Variants in KANK1 observed in about 807,000 individuals in gnomAD.
The protein encoded by KANK1 is KN motif and ankyrin repeat domains 1, also known as KN motif and ankyrin repeat domain-containing protein 1.
In KANK1, 109 loss-of-function variants were observed where a neutral mutation model predicts 106.2. The ratio of observed to expected loss-of-function variants is 1.03; its 90% CI spans 0.88 to 1.20. KANK1 has a LOEUF of 1.20. Among genes scored for constraint, KANK1 ranks in the 50% most tolerant of loss-of-function variants. KANK1 has a pLI of 0.00. For missense variants in KANK1, 2,399 were observed against 1,710.7 expected (o/e 1.40, Z -7.10); for synonymous variants, 873 against 652.2 (o/e 1.34, Z -5.16).
At chr9:667,229 A>C (rs374103028) in intron 1 of KANK1, among the ~76,000 whole-genome samples, 2 of 151,374 alleles carry the variant, frequency 1.3e-5, no homozygotes, top group African/African-American at 4.9e-5. Flanking sequence ...TTTGTTGGCA[A>C]TTGTCTCTAA....
intron 2 of KANK1, among the ~76,000 whole-genome samples, chr9:682,492 G>A (rs1817767888): frequency 2.0e-5 from 3 of 152,058 alleles, no homozygotes; most frequent in Non-Finnish European, 4.4e-5. Context: ...ATTTTTCCAA[G>A]TCTTCATGGA....
chr9:638,171 G>C (rs149246889), intron 1 of KANK1, among the ~76,000 whole-genome samples: 1 of 152,298 alleles, frequency 6.6e-6, no homozygotes, highest in East Asian at 1.9e-4. Flanking sequence ...AGCAGTCATT[G>C]AATAGTTTCT....
At chr9:669,401 T>G (rs966902397) in intron 1 of KANK1, among the ~76,000 whole-genome samples, 1 of 152,192 alleles carries the variant, frequency 6.6e-6, no homozygotes, top group African/African-American at 2.4e-5. Flanking sequence ...ACAGATCTAG[T>G]AGTGGTAAAT....
chr9:522,000 T>A (rs1382897340), intron 1 of KANK1, among the ~76,000 whole-genome samples: 2 of 151,778 alleles, frequency 1.3e-5, no homozygotes, highest in Non-Finnish European at 2.9e-5. Context: ...GGCCCTTTTT[T>A]GGAGAACTGT....
intron 3 of KANK1, among the ~76,000 whole-genome samples, chr9:714,446 G>C (rs2131030090): frequency 6.8e-6 from 1 of 146,182 alleles, no homozygotes; most frequent in Non-Finnish European, 1.5e-5. Context: ...TGCAACCTCT[G>C]CCTCTCAGGT....
intron 3 of KANK1, among the ~76,000 whole-genome samples, chr9:497,462 T>A (rs10120651): frequency 0.039 from 5,892 of 150,780 alleles, 368 homozygotes; most frequent in African/African-American, 0.14. Context: ...ACTCACACTC[T>A]TGCCACCATG....
At chr9:691,432 A>AT (rs973932417) in intron 2 of KANK1, among the ~76,000 whole-genome samples, 34 of 149,022 alleles carry the variant, frequency 2.3e-4, no homozygotes, top group African/African-American at 7.4e-4. Flanking sequence ...ATTTATTATT[A>AT]TTTTTTTTAA....
intron 1 of KANK1, among the ~76,000 whole-genome samples, chr9:646,566 A>G (rs937533906): frequency 2.0e-5 from 3 of 150,758 alleles, no homozygotes; most frequent in Non-Finnish European, 4.4e-5. Flanking sequence ...GTTGAACATG[A>G]TTAATCATCT....
Position 521,824 on chromosome 9 carries a change from T to A in KANK1, c.-84+17070T>A, listed in dbSNP as rs751194517. On this transcript the variant is annotated intron_variant, in intron 1 of 11. Coordinates refer to ENST00000382297, the MANE Select transcript of KANK1 (RefSeq NM_015158.5). ...CTCAGGAGATCCACCCACCTCAGCC[T>A]GCCAAAGTGCTGGGATTACAGGCAT... Among the ~76,000 whole-genome samples the A allele has an allele frequency of 1.3e-5, 2 of 151,680 alleles. 1 individual carries two copies. Among genetic ancestry groups the A allele is most frequent in the Non-Finnish European group, 2.9e-5 (2 of 68,018 alleles).
At chr9:527,220 C>G (rs12682818) in intron 1 of KANK1, among the ~76,000 whole-genome samples, 3,719 of 151,920 alleles carry the variant, frequency 0.024, 142 homozygotes, top group East Asian at 0.16. Context: ...TACCTTCTCT[C>G]TGTTTCTCTT....
chr9:599,325 T>A (rs964854788), intron 1 of KANK1, among the ~76,000 whole-genome samples: 1 of 151,704 alleles, frequency 6.6e-6, no homozygotes, highest in Admixed American at 6.6e-5. Flanking sequence ...GCAAGAAATA[T>A]TATTTTTATT....
intron 7 of KANK1, among the ~76,000 whole-genome samples, chr9:736,072 C>G (rs907385123): frequency 1.3e-5 from 2 of 152,124 alleles, no homozygotes; most frequent in South Asian, 2.1e-4. Context: ...ATTCTCCTGC[C>G]TCACCCTCCC....
At chr9:564,635 C>T (rs563386567) in intron 1 of KANK1, among the ~76,000 whole-genome samples, 2 of 152,204 alleles carry the variant, frequency 1.3e-5, no homozygotes, top group African/African-American at 2.4e-5. Context: ...ATACCTATTT[C>T]TGCCCATGCC....
chr9:543,331 G>A lies in KANK1; in HGVS notation c.-84+38577G>A, dbSNP rs149412411. 7.3e-4 allele frequency among the ~76,000 whole-genome samples: 111 copies of A among 151,998 alleles called. 1 individual carries two copies. The East Asian group carries it at 0.019, about 26-fold the overall frequency. ...AGCACTTTGGGAGGCCAAGGTGGGC[G>A]GATCACTTGAGGACAGGAGTTTGAG... On this transcript the variant is annotated intron_variant, in intron 1 of 11. Coordinates refer to ENST00000382297, the MANE Select transcript of KANK1 (RefSeq NM_015158.5).
Position 514,973 on chromosome 9 carries a change from C to A in KANK1, c.-84+10219C>A, listed in dbSNP as rs181085643. ...ATCTGGTAAACGTGTGTTATTGATTCCCTAGATGACTAATGAAGATGAACA... is the reference window on the plus strand; with the variant it reads ...ATCTGGTAAACGTGTGTTATTGATTACCTAGATGACTAATGAAGATGAACA... On this transcript the variant is annotated intron_variant, in intron 1 of 11. Transcript: ENST00000382297. Among the ~76,000 whole-genome samples the A allele has an allele frequency of 1.6e-3, 243 of 151,694 alleles. 2 individuals carry two copies. Among genetic ancestry groups the A allele is most frequent in the Non-Finnish European group, 2.2e-3 (151 of 68,010 alleles).
At chr9:629,121 C>G (rs2136684197) in intron 1 of KANK1, among the ~76,000 whole-genome samples, 1 of 150,902 alleles carries the variant, frequency 6.6e-6, no homozygotes, top group African/African-American at 2.4e-5. Flanking sequence ...TTTCCTTTCT[C>G]TGTAGTATGT....
chr9:589,950 G>T (rs1246555130), intron 1 of KANK1, among the ~76,000 whole-genome samples: 3 of 152,160 alleles, frequency 2.0e-5, no homozygotes, highest in African/African-American at 7.2e-5. Flanking sequence ...GCATGCTGAG[G>T]ATTTCCTTGC....
rs550715488 is a variant in KANK1, at chr9:702,674, C to T, written c.38-8130C>T. On this transcript the variant is annotated intron_variant, in intron 2 of 11. Coordinates refer to ENST00000382297, the MANE Select transcript of KANK1 (RefSeq NM_015158.5). Reference sequence around the variant, plus strand: ...CTATTGAATGTAGCCTCTTTCCCTACGTCAGTCTCACGCACGCACAATTGT... The same window carrying T: ...CTATTGAATGTAGCCTCTTTCCCTATGTCAGTCTCACGCACGCACAATTGT... Among the ~76,000 whole-genome samples the T allele has an allele frequency of 3.9e-5, 6 of 152,276 alleles. No individual in the cohort carries two copies. In the East Asian group the frequency reaches 7.7e-4, roughly 20 times the overall value.
chr9:674,545 T>C (rs1197852811), intron 1 of KANK1, among the ~76,000 whole-genome samples: 2 of 152,156 alleles, frequency 1.3e-5, no homozygotes, highest in African/African-American at 4.8e-5. Context: ...ATCAAAGCAA[T>C]CAGCCATTTC....
Sources: gnomAD v4.1 joint callset for allele counts (sites outside exome capture counted in the v4.1 genomes callset) on GRCh38, gnomAD v4.1.1 for gene constraint, MANE v1.5 for transcripts, NCBI Gene and HGNC (gene_info 2026-07-23, HGNC 2026-07-21) for gene names.